EHMT1: variants seen among roughly 807,000 people sequenced by gnomAD.
The protein encoded by EHMT1 is histone-lysine N-methyltransferase EHMT1.
In EHMT1, 15 loss-of-function variants were observed where a neutral mutation model predicts 147.2. That is an observed-to-expected ratio of 0.10 (90% CI 0.07 to 0.16). The LOEUF is 0.16. Among genes scored for constraint, EHMT1 ranks in the 10% least tolerant of loss-of-function variants. EHMT1 has a pLI of 1.00. For synonymous variants in EHMT1, 795 were observed against 709.6 expected (o/e 1.12, Z -1.91); for missense variants, 1,587 against 1,772.4 (o/e 0.90, Z 1.88).
chr9:137,814,263 T>G, intron 21 of EHMT1, 168 bp from the exon 22 acceptor site: 1 of 738,436 alleles, frequency 1.4e-6, no homozygotes, highest in Non-Finnish European at 2.4e-6. Context: ...ACTCGACATG[T>G]TTCTGCCTGC....
At chr9:137,755,212 C>T (rs1371712715) in intron 8 of EHMT1, among the ~76,000 whole-genome samples, 2 of 152,190 alleles carry the variant, frequency 1.3e-5, no homozygotes, top group African/African-American at 4.8e-5. Context: ...CACCCCGGGT[C>T]CCTCCTGCCC....
In EHMT1 at chr9:137,646,903, C is replaced by T. The variant is rs368383296; in HGVS notation, c.21+27854C>T. Among the ~76,000 whole-genome samples, 38 of 152,230 alleles carry T rather than the reference C, an allele frequency of 2.5e-4. No individual in the cohort carries two copies. In the East Asian group the frequency reaches 4.5e-3, roughly 18 times the overall value. On this transcript the variant is annotated intron_variant, in intron 1 of 26. Transcript: ENST00000460843. ...TTTCCAGTCCCCACGTGGCTGAGCC[C>T]GCTGCAGCAGGCTTTGGTCTCCACT...
At chr9:137,690,881 G>T (rs1188031076) in intron 1 of EHMT1, among the ~76,000 whole-genome samples, 3 of 152,232 alleles carry the variant, frequency 2.0e-5, no homozygotes, top group Non-Finnish European at 4.4e-5. Context: ...GCACCATGAA[G>T]TTAAGGTGCT....
At chr9:137,791,386 G>A (rs1029673608) in intron 16 of EHMT1, among the ~76,000 whole-genome samples, 2 of 152,102 alleles carry the variant, frequency 1.3e-5, no homozygotes, top group South Asian at 2.1e-4. Context: ...CAAAAATATT[G>A]TAAGCTAACA....
rs889530728 is a variant in EHMT1 at position 137,835,201 on chromosome 9, G to C, written c.*248G>C. The C allele has an allele frequency of 5.1e-6, 2 of 393,316 alleles. No individual in the cohort carries two copies. The highest frequency in any genetic ancestry group is 8.9e-6 in the Non-Finnish European group (2 of 224,830). The allele number at this position is 393,316 out of a possible 1,614,324, so 24.4% of individuals were successfully genotyped here. On this transcript the variant is annotated 3_prime_UTR_variant, in exon 27 of 27. Transcript: ENST00000460843. ...CTGGAGCGCACACTTTGGTCCGCGC[G>C]CCAGAGACGCTGGGAGTCCGCACTG...
chr9:137,818,435 T>C (rs1955101824), intron 25 of EHMT1, among the ~76,000 whole-genome samples: 1 of 150,990 alleles, frequency 6.6e-6, no homozygotes. Context: ...CTGAGAATCT[T>C]GGGTTGGGGC....
At chr9:137,733,525 C>T (rs150937263) in intron 4 of EHMT1, among the ~76,000 whole-genome samples, 5 of 152,248 alleles carry the variant, frequency 3.3e-5, no homozygotes, top group East Asian at 1.9e-4. Flanking sequence ...GAAGCTGGGA[C>T]GGTTAATTTC....
chr9:137,668,641 C>T (rs766682525), intron 1 of EHMT1, among the ~76,000 whole-genome samples: 2 of 152,222 alleles, frequency 1.3e-5, no homozygotes, highest in Non-Finnish European at 2.9e-5. Flanking sequence ...AACCCAGTCC[C>T]TGGCAACCAC....
At chr9:137,812,949 G>C (rs879023449) in intron 19 of EHMT1, 57 bp from the exon 20 acceptor site, 7 of 1,600,204 alleles carry the variant, frequency 4.4e-6, no homozygotes, top group Non-Finnish European at 6.0e-6. Flanking sequence ...AATCTCATCT[G>C]TATCACATTT....
intron 1 of EHMT1, among the ~76,000 whole-genome samples, chr9:137,696,684 T>G (rs1943420873): frequency 6.6e-6 from 1 of 152,196 alleles, no homozygotes; most frequent in South Asian, 2.1e-4. Context: ...AAGATAAGTT[T>G]AAAGAGACCG....
intron 1 of EHMT1, among the ~76,000 whole-genome samples, chr9:137,694,221 C>G (rs1161941167): frequency 7.3e-6 from 1 of 136,952 alleles, no homozygotes; most frequent in African/African-American, 2.8e-5. Context: ...CGATACCCCC[C>G]ACACAGTGGC....
intron 1 of EHMT1, among the ~76,000 whole-genome samples, chr9:137,694,710 G>A (rs1182075556): frequency 2.6e-5 from 4 of 152,210 alleles, no homozygotes; most frequent in East Asian, 1.9e-4. Flanking sequence ...GTGGAGACGC[G>A]CCTAGCACAC....
At chr9:137,651,467 A>G (rs928038002) in intron 1 of EHMT1, among the ~76,000 whole-genome samples, 1 of 152,178 alleles carries the variant, frequency 6.6e-6, no homozygotes. Flanking sequence ...TGGACAACAT[A>G]TAAGATGATG....
intron 1 of EHMT1, among the ~76,000 whole-genome samples, chr9:137,670,448 C>G (rs1482093894): frequency 2.0e-5 from 3 of 152,180 alleles, no homozygotes; most frequent in African/African-American, 4.8e-5. Flanking sequence ...CCCCCTCCCC[C>G]CGGTGCTGGG....
intron 16 of EHMT1, among the ~76,000 whole-genome samples, chr9:137,792,706 A>G (rs948278530): frequency 6.6e-6 from 1 of 152,022 alleles, no homozygotes; most frequent in Non-Finnish European, 1.5e-5. Flanking sequence ...ACTCTGTTTC[A>G]AAAAAAAGGA....
chr9:137,829,158 G>A (rs1325009793), intron 25 of EHMT1, among the ~76,000 whole-genome samples: 136 of 152,144 alleles, frequency 8.9e-4, no homozygotes, highest in Non-Finnish European at 3.1e-4. Flanking sequence ...CCTCACCTGC[G>A]GCAGCACTTT....
At chr9:137,690,221 G>A (rs1423305420) in intron 1 of EHMT1, among the ~76,000 whole-genome samples, 1 of 152,216 alleles carries the variant, frequency 6.6e-6, no homozygotes, top group Non-Finnish European at 1.5e-5. Context: ...TGGACGTCAT[G>A]TAGAATTTGG....
chr9:137,736,598 A>G (rs990038818), intron 4 of EHMT1, among the ~76,000 whole-genome samples: 15 of 152,288 alleles, frequency 9.8e-5, no homozygotes, highest in Admixed American at 7.8e-4. Flanking sequence ...ATTTTAAAAT[A>G]CAGAGATTTG....
At position 137,787,766 on chromosome 9, in the gene EHMT1, T is replaced by G; in HGVS notation, c.2383-3082T>G. On this transcript the variant is annotated intron_variant, in intron 15 of 26. Transcript: ENST00000460843. The surrounding 1 kb of genome is among the most constrained non-coding windows in gnomAD (Gnocchi z 4.2). Reference sequence around the variant, plus strand: ...GATGCTTTTGTTGGGTGACACACCCTGGAAGAGGGCGTCTAGATCCCAGCC... The same window carrying G: ...GATGCTTTTGTTGGGTGACACACCCGGGAAGAGGGCGTCTAGATCCCAGCC... 1 of 819,870 alleles carries G rather than the reference T, an allele frequency of 1.2e-6. No individual in the cohort carries two copies. Among genetic ancestry groups the G allele is most frequent in the Non-Finnish European group, 2.1e-6 (1 of 465,278 alleles). The allele number at this position is 819,870 out of a possible 1,614,324, so 50.8% of individuals were successfully genotyped here. A position where few individuals can be genotyped will look rare whatever the true frequency, so the allele number is the denominator to read the frequency against.
Sources: allele counts gnomAD v4.1 joint callset (sites outside exome capture counted in the v4.1 genomes callset), GRCh38; gene constraint gnomAD v4.1.1; non-coding constraint Gnocchi (gnomAD v3.1); transcripts MANE v1.5; gene names NCBI Gene and HGNC (gene_info 2026-07-23, HGNC 2026-07-21).